Variants in OTUD7B observed in about 807,000 individuals in gnomAD.
OTUD7B encodes OTU deubiquitinase 7B.
OTUD7B carries 34 observed loss-of-function variants against 82.2 expected under a neutral mutation model. The ratio of observed to expected loss-of-function variants is 0.41; its 90% CI spans 0.31 to 0.55. The LOEUF is 0.55. Among genes scored for constraint, OTUD7B ranks in the 20% least tolerant of loss-of-function variants. OTUD7B has a pLI of 0.20. For missense variants in OTUD7B, 944 were observed against 1,062.1 expected (o/e 0.89, Z 1.55); for synonymous variants, 398 against 402.7 (o/e 0.99, Z 0.14).
intron 4 of OTUD7B, among the ~76,000 whole-genome samples, 195 bp downstream of exon 4, chr1:149,967,099 A>C (rs1649566557): frequency 6.6e-6 from 1 of 152,140 alleles, no homozygotes; most frequent in African/African-American, 2.4e-5. Flanking sequence ...TCTTCCATCA[A>C]CCAGGAAATT....
chr1:149,974,878 G>A (rs1328359664), intron 2 of OTUD7B, among the ~76,000 whole-genome samples: 1 of 140,572 alleles, frequency 7.1e-6, no homozygotes, highest in Admixed American at 7.2e-5. Context: ...TTTTTTTTAA[G>A]AGATGAGGTC....
the OTUD7B span, among the ~76,000 whole-genome samples, chr1:150,055,557 A>T: frequency 6.6e-6 from 1 of 152,238 alleles, no homozygotes; most frequent in African/African-American, 2.4e-5. Flanking sequence ...ATATACCCAG[A>T]GGAATTCTAC....
chr1:150,006,070 T>G (rs1652642406), intron 1 of OTUD7B, among the ~76,000 whole-genome samples: 1 of 152,194 alleles, frequency 6.6e-6, no homozygotes, highest in South Asian at 2.1e-4. Flanking sequence ...ATCAGTGTAC[T>G]CTCCCCACCA....
At chr1:150,025,251 G>T in the OTUD7B span, among the ~76,000 whole-genome samples, 1 of 151,710 alleles carries the variant, frequency 6.6e-6, no homozygotes, top group Non-Finnish European at 1.5e-5. Flanking sequence ...GAGAAACCCT[G>T]TCTCTACTAA....
chr1:150,048,020 CATA>C, the OTUD7B span: 1 of 152,026 alleles, frequency 6.6e-6, no homozygotes, highest in Non-Finnish European at 1.5e-5. Context: ...TAAACATTCA[CATA>C]ATAACTACAC....
At chr1:149,950,071 T>G (rs782776410) in intron 8 of OTUD7B, 23 bp downstream of exon 8, 8 of 1,612,612 alleles carry the variant, frequency 5.0e-6, no homozygotes, top group Non-Finnish European at 6.8e-6. Flanking sequence ...CAGCATGGAG[T>G]GAGGACTGAC....
the OTUD7B span, among the ~76,000 whole-genome samples, chr1:150,056,478 G>A: frequency 6.6e-6 from 1 of 152,122 alleles, no homozygotes; most frequent in South Asian, 2.1e-4. Flanking sequence ...TACTTGTTAT[G>A]AAAAATTAAT....
At chr1:149,979,403 G>A (rs1650560764) in intron 1 of OTUD7B, among the ~76,000 whole-genome samples, 2 of 152,092 alleles carry the variant, frequency 1.3e-5, no homozygotes, top group South Asian at 4.1e-4. Context: ...TATTAACTAG[G>A]TGACTTTGGT....
chr1:149,986,534 C>T (rs879957973), intron 1 of OTUD7B, among the ~76,000 whole-genome samples: 1 of 152,208 alleles, frequency 6.6e-6, no homozygotes. Flanking sequence ...ACTGACCGTA[C>T]ATTCTCTCAT....
rs1280398163 is a variant in OTUD7B, at chr1:149,938,889, GC to G, written c.*4967del. On this transcript the variant is annotated 3_prime_UTR_variant, in exon 12 of 12. Transcript: ENST00000581312. ...GAAGGTTGCAGTGAGCCGGGATCGC[GC>G]CATTGCACTCCATCCTGGGCGACAA... 7.4e-6 allele frequency: 1 copy of G among 134,840 alleles called. No homozygotes were observed. Among genetic ancestry groups the G allele is most frequent in the African/African-American group, 2.9e-5 (1 of 34,972 alleles). The allele number at this position is 134,840 out of a possible 1,614,324, so 8.4% of individuals were successfully genotyped here. A position where few individuals can be genotyped will look rare whatever the true frequency, so the allele number is the denominator to read the frequency against.
chr1:150,049,257 T>C, the OTUD7B span, among the ~76,000 whole-genome samples: 1 of 152,236 alleles, frequency 6.6e-6, no homozygotes, highest in Admixed American at 6.5e-5. Flanking sequence ...TCTGTCATGC[T>C]GCTCTCTAAA....
At chr1:149,987,746 C>T (rs1651252613) in intron 1 of OTUD7B, among the ~76,000 whole-genome samples, 1 of 152,186 alleles carries the variant, frequency 6.6e-6, no homozygotes, top group African/African-American at 2.4e-5. Context: ...CACACAGTGC[C>T]CAGCCCATCA....
intron 7 of OTUD7B, among the ~76,000 whole-genome samples, chr1:149,957,574 G>A (rs1185549375): frequency 1.3e-5 from 2 of 152,196 alleles, no homozygotes; most frequent in Non-Finnish European, 2.9e-5. Flanking sequence ...GTCAGACAGG[G>A]ACGTTTAAGT....
At chr1:150,037,584 A>C in the OTUD7B span, among the ~76,000 whole-genome samples, 1 of 152,020 alleles carries the variant, frequency 6.6e-6, no homozygotes, top group Non-Finnish European at 1.5e-5. Flanking sequence ...TGAAGTTTGT[A>C]TCTACTTTTC....
At chr1:150,045,120 C>G in the OTUD7B span, among the ~76,000 whole-genome samples, 2 of 137,010 alleles carry the variant, frequency 1.5e-5, no homozygotes, top group African/African-American at 5.5e-5. Context: ...GAGATGGAAT[C>G]TTGCTCTGTC....
At position 149,944,714 on chromosome 1, in the gene OTUD7B, A is replaced by G. The variant is rs1431367784; in HGVS notation, c.1675T>C (p.Trp559Arg). The G allele has an allele frequency of 1.2e-6, 2 of 1,613,462 alleles. No individual in the cohort carries two copies. The highest frequency in any genetic ancestry group is 1.3e-5 in the African/African-American group (1 of 74,776). Reference protein sequence around the residue: ...EKKKKNSLKSWKGGKEEAAGD... With the variant: ...EKKKKNSLKSRKGGKEEAAGD... ...GCTGCCTCCTCCTTGCCACCCTTCC[A>G]GCTCTTCAGTGAGTTTTTCTTCTTC... is the stretch of plus-strand genomic sequence containing the variant. Residue 559 changes from tryptophan to arginine, a missense_variant, in exon 12 of 12, where the codon TGG (tryptophan) becomes CGG (arginine). This residue lies in a region of OTUD7B where 412 missense variants were observed against 418.7 expected (regional missense o/e 0.98). Transcript: ENST00000581312.
intron 6 of OTUD7B, among the ~76,000 whole-genome samples, chr1:149,960,685 ACTT>A (rs1649093851): frequency 6.6e-6 from 1 of 151,420 alleles, no homozygotes; most frequent in South Asian, 2.1e-4. Context: ...CTCAGCCTAG[ACTT>A]CTTAATTTCT....
At position 149,992,467 on chromosome 1, in the gene OTUD7B, G is replaced by GTTTTTTT. The variant is rs1166098299; in HGVS notation, c.-66-14898_-66-14892dup. ...TATCTAAATTGTTTTGTGTGCATGT[G>GTTTTTTT]TTTTTTTTTTTTTTTTTTTTTTTTT... On this transcript the variant is annotated intron_variant, in intron 1 of 11. Transcript: ENST00000581312. Among the ~76,000 whole-genome samples the GTTTTTTT allele has an allele frequency of 3.0e-3, 185 of 61,566 alleles. 56 individuals are homozygous for GTTTTTTT. Among genetic ancestry groups the GTTTTTTT allele is most frequent in the East Asian group, 4.7e-3 (8 of 1,714 alleles). 40.4% of individuals were successfully genotyped at this position (61,566 alleles called of 152,430 possible).
chr1:150,014,887 A>C (rs1653223431), upstream of OTUD7B, among the ~76,000 whole-genome samples: 1 of 150,212 alleles, frequency 6.7e-6, no homozygotes, highest in African/African-American at 2.5e-5. Context: ...CAAATTGTAT[A>C]CTTAAGATCA....
Sources: allele counts gnomAD v4.1 joint callset (sites outside exome capture counted in the v4.1 genomes callset), GRCh38; gene constraint gnomAD v4.1.1; regional missense constraint gnomAD v4.1.1; transcripts MANE v1.5; gene names NCBI Gene and HGNC (gene_info 2026-07-23, HGNC 2026-07-21).